The following SLC20A2 variants were observed in gnomAD, a reference collection of about 807,000 sequenced individuals.
SLC20A2 encodes the protein solute carrier family 20 member 2.
A neutral mutation model predicts 61.0 loss-of-function variants in SLC20A2; 30 were observed. The observed-to-expected ratio is 0.49, with a 90% CI of 0.37 to 0.67. The LOEUF is 0.67. SLC20A2 is among the 30% of genes least tolerant of loss of function. The pLI is 0.00. For missense variants in SLC20A2, 626 were observed against 866.4 expected, an observed-to-expected ratio of 0.72 and a Z score of 3.48; for synonymous variants, 351 against 353.3, an observed-to-expected ratio of 0.99 and a Z score of 0.07.
chr8:42,503,029 G>C (rs1810419080), upstream of SLC20A2, among the ~76,000 whole-genome samples: 1 of 152,176 alleles, frequency 6.6e-6, no homozygotes, highest in Admixed American at 6.5e-5. Context: ...ATGTATGATG[G>C]ATCCTACATC....
rs376524648 is a variant in SLC20A2, at chr8:42,472,401, G to A, written c.-11C>T. The A allele has an allele frequency of 8.7e-6, 14 of 1,604,010 alleles. No homozygotes were observed. In the African/African-American group the frequency reaches 1.9e-4, roughly 22 times the overall value. ...CTCATCCATGGCCATTTTGGAAAGT[G>A]GGTGCCGGGTACTTTTCTTTTGCAG... is the stretch of plus-strand genomic sequence containing the variant. On this transcript the variant is annotated 5_prime_UTR_variant, in exon 2 of 11. Transcript: ENST00000520262. This position sits in a 1 kb window ranked among gnomAD's most constrained non-coding sequence, Gnocchi z 4.1.
intron 1 of SLC20A2, among the ~76,000 whole-genome samples, chr8:42,486,142 G>C (rs993581038): frequency 5.0e-5 from 6 of 120,050 alleles, no homozygotes; most frequent in Non-Finnish European, 7.7e-5. Context: ...CTCTCTCACT[G>C]TGTGTGTGTG....
intron 10 of SLC20A2, among the ~76,000 whole-genome samples, chr8:42,428,335 G>A (rs970529421): frequency 2.6e-5 from 4 of 152,248 alleles, no homozygotes; most frequent in Non-Finnish European, 4.4e-5. Context: ...AGAAACAACT[G>A]TGTCCTACAA....
intron 5 of SLC20A2, among the ~76,000 whole-genome samples, chr8:42,458,545 C>T (rs986090642): frequency 2.0e-5 from 3 of 151,150 alleles, no homozygotes; most frequent in African/African-American, 4.9e-5. Context: ...ATTGCTTGGG[C>T]CCATGAGGTC....
Position 42,465,838 on chromosome 8 carries a change from T to G in SLC20A2, c.369A>C (p.Ile123=). The G allele has an allele frequency of 6.2e-7, 1 of 1,614,064 alleles. No homozygotes were observed. The part of the protein sequence containing the change: ...SGTHCIVGST[I]GFSLVAIGTK... ...TACCGATTGCGACCAGTGAGAATCC[T>G]ATAGTAGAACCCACAATGCAGTGCG... is the stretch of plus-strand genomic sequence containing the variant. Residue 123 remains isoleucine, a synonymous_variant, in exon 3 of 11, where the codon ATA becomes ATC. Transcript: ENST00000520262.
rs1053361839 is a variant in SLC20A2, at chr8:42,477,465, T to C, written c.-264-4811A>G. Among the ~76,000 whole-genome samples the C allele has an allele frequency of 4.0e-3, 4 of 1,006 alleles. No individual in the cohort carries two copies. In the South Asian group the frequency reaches 0.25, roughly 63 times the overall value. The allele number at this position is 1,006 out of a possible 152,430, so 0.7% of individuals were successfully genotyped here. On this transcript the variant is annotated intron_variant, in intron 1 of 10. Coordinates refer to ENST00000520262, the MANE Select transcript of SLC20A2 (RefSeq NM_001257180.2). Reference sequence around the variant, plus strand: ...GACACATGTTGTGAGGGACAGGGACTTTTTTTTTTTTTTTTTTTTTTTTGA... The same window carrying C: ...GACACATGTTGTGAGGGACAGGGACCTTTTTTTTTTTTTTTTTTTTTTTGA...
chr8:42,494,401 G>GATTATTACA (rs1441014916), intron 1 of SLC20A2, among the ~76,000 whole-genome samples: 3 of 151,870 alleles, frequency 2.0e-5, no homozygotes, highest in African/African-American at 7.3e-5. Context: ...TATTACATAA[G>GATTATTACA]TAATCTATGC....
chr8:42,438,081 A>AAAAAAAAAAAAAAAAAAAAC (rs1563455908), intron 7 of SLC20A2, among the ~76,000 whole-genome samples: 1 of 149,926 alleles, frequency 6.7e-6, no homozygotes, highest in Non-Finnish European at 1.5e-5. Context: ...AAAAAAAAAA[A>AAAAAAAAAAAAAAAAAAAAC]AAAAAAAACA....
At position 42,436,981 on chromosome 8, in the gene SLC20A2, G is replaced by A. The variant is rs1804317421; in HGVS notation, c.1523+8C>T. 2 of 1,582,786 alleles carry A rather than the reference G, an allele frequency of 1.3e-6. No individual in the cohort carries two copies. Among genetic ancestry groups the A allele is most frequent in the African/African-American group, 1.3e-5 (1 of 74,388 alleles). ...ACCCTTGTTGAATGAATGAATGAAA[G>A]CACCCACCTCACGTCATTGCCGCCG... On this transcript the variant is annotated splice_region_variant and intron_variant, in intron 8 of 10. Coordinates refer to ENST00000520262, the MANE Select transcript of SLC20A2 (RefSeq NM_001257180.2).
Position 42,416,631 on chromosome 8 carries a change from A to C in SLC20A2, c.*1172T>G, listed in dbSNP as rs948132492. ...CGTACTTCCTCCCTCCCGCTATCAA[A>C]AAAAGAAGAGACTCCAATGGGATGG... On this transcript the variant is annotated 3_prime_UTR_variant, in exon 11 of 11. Coordinates refer to ENST00000520262, the MANE Select transcript of SLC20A2 (RefSeq NM_001257180.2). 1 of 152,642 alleles carries C rather than the reference A, an allele frequency of 6.6e-6. No homozygotes were observed. The highest frequency in any genetic ancestry group is 1.5e-5 in the Non-Finnish European group (1 of 68,046). The allele number at this position is 152,642 out of a possible 1,614,324, so 9.5% of individuals were successfully genotyped here.
intron 1 of SLC20A2, among the ~76,000 whole-genome samples, chr8:42,495,367 T>G (rs1381902121): frequency 6.6e-6 from 1 of 152,178 alleles, no homozygotes; most frequent in Non-Finnish European, 1.5e-5. Flanking sequence ...TATTGGAAGT[T>G]CATGGGTTTC....
intron 8 of SLC20A2, among the ~76,000 whole-genome samples, chr8:42,431,821 A>G (rs568079988): frequency 3.3e-5 from 5 of 152,202 alleles, no homozygotes; most frequent in Non-Finnish European, 7.4e-5. Context: ...TGGAACAACA[A>G]AGCACATCTG....
At chr8:42,493,998 C>G (rs1809722145) in intron 1 of SLC20A2, among the ~76,000 whole-genome samples, 1 of 152,106 alleles carries the variant, frequency 6.6e-6, no homozygotes, top group Non-Finnish European at 1.5e-5. Context: ...AAAAAATTAG[C>G]CAGGTGTCGT....
chr8:42,497,023 A>G (rs1279389348), intron 1 of SLC20A2, among the ~76,000 whole-genome samples: 1 of 152,236 alleles, frequency 6.6e-6, no homozygotes, highest in African/African-American at 2.4e-5. Context: ...TGCTAACACA[A>G]TATTATTCTC....
intron 10 of SLC20A2, 73 bp from the exon 11 acceptor site, chr8:42,418,040 A>T: frequency 1.6e-6 from 2 of 1,277,030 alleles, no homozygotes; most frequent in Non-Finnish European, 2.2e-6. Context: ...TACATGGGCT[A>T]ATCTCAGAAA....
At chr8:42,487,014 G>A (rs976748341) in intron 1 of SLC20A2, among the ~76,000 whole-genome samples, 2 of 151,136 alleles carry the variant, frequency 1.3e-5, no homozygotes, top group African/African-American at 2.4e-5. Flanking sequence ...TTACAGACAT[G>A]TGCCACAACG....
chr8:42,458,940 A>AACCCCC (rs1806442839), intron 5 of SLC20A2, among the ~76,000 whole-genome samples: 1 of 104,150 alleles, frequency 9.6e-6, no homozygotes, highest in African/African-American at 4.3e-5. Flanking sequence ...ATAATTTTTA[A>AACCCCC]CCCCCCCCCC....
intron 1 of SLC20A2, among the ~76,000 whole-genome samples, chr8:42,507,743 G>A (rs1373584321): frequency 6.6e-6 from 1 of 152,252 alleles, no homozygotes; most frequent in Admixed American, 6.5e-5. Context: ...AATGTGATGA[G>A]TCATGACACT....
chr8:42,457,871 T>C, intron 5 of SLC20A2, among the ~76,000 whole-genome samples: 1 of 152,326 alleles, frequency 6.6e-6, no homozygotes, highest in East Asian at 1.9e-4. Flanking sequence ...CATTTAGGAA[T>C]ACTTTATTCC....
Sources: allele counts gnomAD v4.1 joint callset (sites outside exome capture counted in the v4.1 genomes callset), GRCh38; gene constraint gnomAD v4.1.1; non-coding constraint Gnocchi (gnomAD v3.1); transcripts MANE v1.5; gene names NCBI Gene and HGNC (gene_info 2026-07-23, HGNC 2026-07-21).